Variants in SOX5 observed in about 807,000 individuals in gnomAD.
SOX5 encodes SRY-box transcription factor 5.
SOX5 carries 9 observed loss-of-function variants against 92.0 expected under a neutral mutation model. The ratio of observed to expected loss-of-function variants is 0.10; its 90% CI spans 0.06 to 0.17. The LOEUF is 0.17. SOX5 is among the 10% of genes least tolerant of loss of function. The pLI is 1.00. For synonymous variants in SOX5, 344 were observed against 336.3 expected (o/e 1.02, Z -0.25); for missense variants, 642 against 944.5 (o/e 0.68, Z 4.20).
At chr12:23,691,179 G>C (rs755461063) in intron 6 of SOX5, among the ~76,000 whole-genome samples, 1 of 152,142 alleles carries the variant, frequency 6.6e-6, no homozygotes, top group Non-Finnish European at 1.5e-5. Flanking sequence ...AGATAGAAGG[G>C]TACTGAAATG....
At chr12:24,139,918 G>T (rs16927236) in intron 4 of SOX5, among the ~76,000 whole-genome samples, 1 of 151,840 alleles carries the variant, frequency 6.6e-6, no homozygotes, top group Non-Finnish European at 1.5e-5. Flanking sequence ...GAATGAATAC[G>T]TGCACCGTCA....
chr12:24,134,257 T>C (rs540015472), intron 4 of SOX5, among the ~76,000 whole-genome samples: 8 of 152,268 alleles, frequency 5.3e-5, no homozygotes, highest in African/African-American at 1.9e-4. Context: ...TGAAGAAAAG[T>C]ATCTGCTGGA....
At chr12:24,322,054 T>A (rs1950252492) in intron 2 of SOX5, among the ~76,000 whole-genome samples, 1 of 152,152 alleles carries the variant, frequency 6.6e-6, no homozygotes, top group South Asian at 2.1e-4. Flanking sequence ...CTTCCTGCAA[T>A]AAATTGGAAG....
At chr12:23,622,762 T>C (rs2138144254) in intron 8 of SOX5, among the ~76,000 whole-genome samples, 1 of 152,300 alleles carries the variant, frequency 6.6e-6, no homozygotes, top group East Asian at 1.9e-4. Context: ...TTAATTTAAT[T>C]GGTAAATATT....
chr12:23,883,127 GCT>G (rs1481902606), intron 2 of SOX5, among the ~76,000 whole-genome samples: 1 of 151,704 alleles, frequency 6.6e-6, no homozygotes, highest in Non-Finnish European at 1.5e-5. Flanking sequence ...CTTGCGGTGA[GCT>G]GAGATCGCGC....
intron 2 of SOX5, among the ~76,000 whole-genome samples, chr12:24,314,221 C>G (rs540990824): frequency 6.6e-6 from 1 of 152,044 alleles, no homozygotes; most frequent in African/African-American, 2.4e-5. Flanking sequence ...ACAGTTCTTG[C>G]GATAGTTTGC....
intron 4 of SOX5, among the ~76,000 whole-genome samples, chr12:24,149,023 A>G (rs1220849603): frequency 6.6e-6 from 1 of 152,112 alleles, no homozygotes; most frequent in East Asian, 1.9e-4. Flanking sequence ...ACAACTGGGT[A>G]TTCATAAGGA....
intron 7 of SOX5, among the ~76,000 whole-genome samples, chr12:23,651,742 G>A (rs1462304284): frequency 5.9e-5 from 9 of 151,878 alleles, no homozygotes; most frequent in East Asian, 1.9e-4. Context: ...GAAAAGATGC[G>A]AGAAGCCTAT....
chr12:24,124,397 G>A (rs577685161), intron 4 of SOX5, among the ~76,000 whole-genome samples: 35 of 152,186 alleles, frequency 2.3e-4, no homozygotes, highest in African/African-American at 7.7e-4. Context: ...AACCATTCAC[G>A]GAGAAGTTCA....
intron 3 of SOX5, among the ~76,000 whole-genome samples, chr12:23,813,709 T>C (rs764926672): frequency 8.5e-5 from 13 of 152,306 alleles, no homozygotes; most frequent in South Asian, 2.1e-4. Flanking sequence ...AGAAAGAGCA[T>C]GCATGCTTGA....
At chr12:23,692,998 T>G (rs1028240256) in intron 6 of SOX5, among the ~76,000 whole-genome samples, 2 of 152,184 alleles carry the variant, frequency 1.3e-5, no homozygotes, top group South Asian at 2.1e-4. Flanking sequence ...TTTGTTTAGA[T>G]TGGTATTTGA....
chr12:24,165,862 T>A (rs1953342649), intron 4 of SOX5, among the ~76,000 whole-genome samples: 2 of 152,034 alleles, frequency 1.3e-5, no homozygotes, highest in Admixed American at 1.3e-4. Context: ...ATATTTAATC[T>A]AAAAATTAAG....
intron 3 of SOX5, chr12:24,213,514 A>G (rs1436385403): frequency 6.6e-6 from 1 of 151,704 alleles, no homozygotes; most frequent in East Asian, 1.9e-4. Context: ...TTCCAAATAA[A>G]TAAAAAAATT....
chr12:24,146,852 CTT>C (rs1951143483), intron 4 of SOX5, among the ~76,000 whole-genome samples: 1 of 151,604 alleles, frequency 6.6e-6, no homozygotes, highest in African/African-American at 2.4e-5. Context: ...TTATGATTAA[CTT>C]TATATCAACA....
chr12:23,938,933 C>CA, intron 1 of SOX5, among the ~76,000 whole-genome samples: 1 of 150,962 alleles, frequency 6.6e-6, no homozygotes, highest in East Asian at 1.9e-4. Flanking sequence ...TGTTATTAAA[C>CA]AAAAAATCAT....
intron 9 of SOX5, among the ~76,000 whole-genome samples, chr12:23,596,850 A>C (rs952753742): frequency 6.6e-6 from 1 of 152,188 alleles, no homozygotes; most frequent in Admixed American, 6.5e-5. Flanking sequence ...AAAATATATC[A>C]TTTATCTTTA....
At chr12:24,293,680 T>A (rs948019335) in intron 2 of SOX5, among the ~76,000 whole-genome samples, 1 of 152,198 alleles carries the variant, frequency 6.6e-6, no homozygotes, top group Non-Finnish European at 1.5e-5. Context: ...TCAATATCAA[T>A]ATTGACAGGA....
chr12:23,831,880 T>C (rs957117782), intron 3 of SOX5, among the ~76,000 whole-genome samples: 2 of 150,986 alleles, frequency 1.3e-5, no homozygotes, highest in Non-Finnish European at 2.9e-5. Context: ...GGTGTAGGCG[T>C]CCTGCTCAGA....
At chr12:24,066,058 A>T (rs1203576221) in intron 4 of SOX5, among the ~76,000 whole-genome samples, 2 of 152,238 alleles carry the variant, frequency 1.3e-5, no homozygotes, top group Admixed American at 1.3e-4. Context: ...TAAAAAAAAA[A>T]GTAGGATTTC....
Sources: allele counts gnomAD v4.1 joint callset (sites outside exome capture counted in the v4.1 genomes callset), GRCh38; gene constraint gnomAD v4.1.1; transcripts MANE v1.5; gene names NCBI Gene and HGNC (gene_info 2026-07-23, HGNC 2026-07-21).